ANO4: variants seen among roughly 807,000 people sequenced by gnomAD.
ANO4 encodes anoctamin 4.
A neutral mutation model predicts 141.9 loss-of-function variants in ANO4; 69 were observed. The ratio of observed to expected loss-of-function variants is 0.49; its 90% CI spans 0.40 to 0.59. ANO4 has a LOEUF of 0.59. Among genes scored for constraint, ANO4 ranks in the 20% least tolerant of loss-of-function variants. The pLI is 0.00. For synonymous variants in ANO4, 350 were observed against 394.3 expected, an observed-to-expected ratio of 0.89 and a Z score of 1.33; for missense variants, 894 against 1,162.2, an observed-to-expected ratio of 0.77 and a Z score of 3.36.
At chr12:100,797,005 A>T (rs1182786144) in intron 1 of ANO4, among the ~76,000 whole-genome samples, 1 of 152,098 alleles carries the variant, frequency 6.6e-6, no homozygotes, top group Non-Finnish European at 1.5e-5. Context: ...ATTTCATTTT[A>T]ATTAGTAGCA....
chr12:100,757,638 A>C (rs2032670938), intron 3 of ANO4, among the ~76,000 whole-genome samples: 1 of 152,222 alleles, frequency 6.6e-6, no homozygotes, highest in Non-Finnish European at 1.5e-5. Flanking sequence ...TTTGAAGGCC[A>C]CTGAGTCCAC....
chr12:100,917,970 A>G (rs1049764219), intron 2 of ANO4, among the ~76,000 whole-genome samples: 1 of 152,182 alleles, frequency 6.6e-6, no homozygotes, highest in Non-Finnish European at 1.5e-5. Context: ...CTGAACTCCA[A>G]ATAATTATTA....
chr12:101,036,565 G>T (rs1006594630), intron 9 of ANO4, among the ~76,000 whole-genome samples: 1 of 152,148 alleles, frequency 6.6e-6, no homozygotes, highest in Non-Finnish European at 1.5e-5. Flanking sequence ...AACTTGGAAG[G>T]CATCATGCTA....
intron 22 of ANO4, among the ~76,000 whole-genome samples, chr12:101,109,030 C>T (rs2050557704): frequency 6.6e-6 from 1 of 152,078 alleles, no homozygotes; most frequent in Non-Finnish European, 1.5e-5. Context: ...AATGACAATT[C>T]CTCAGTCTGT....
chr12:101,074,190 AAAACACAGAAATT>A (rs2048936187), intron 14 of ANO4, among the ~76,000 whole-genome samples: 1 of 152,184 alleles, frequency 6.6e-6, no homozygotes, highest in Admixed American at 6.5e-5. Flanking sequence ...GTGGCTTTGA[AAAACACAGAAATT>A]AATTTCTATC....
At chr12:100,958,009 C>T (rs577095323) in intron 5 of ANO4, among the ~76,000 whole-genome samples, 3 of 152,120 alleles carry the variant, frequency 2.0e-5, no homozygotes, top group African/African-American at 7.2e-5. Flanking sequence ...CCAGCCACAA[C>T]CATTTTTTTA....
chr12:100,721,426 T>G (rs1043575609), intron 1 of ANO4, among the ~76,000 whole-genome samples: 1 of 151,994 alleles, frequency 6.6e-6, no homozygotes, highest in Non-Finnish European at 1.5e-5. Flanking sequence ...AGGAGGAGAT[T>G]GGGAGAAGGC....
At chr12:100,971,840 G>A (rs2043947527) in intron 6 of ANO4, among the ~76,000 whole-genome samples, 2 of 150,148 alleles carry the variant, frequency 1.3e-5, no homozygotes, top group South Asian at 4.2e-4. Context: ...TTTCATGACA[G>A]TGTGATCTTC....
chr12:100,953,979 G>A (rs1301309004), intron 5 of ANO4, among the ~76,000 whole-genome samples: 4 of 152,126 alleles, frequency 2.6e-5, no homozygotes, highest in Non-Finnish European at 5.9e-5. Flanking sequence ...TCAAGTGCAC[G>A]AGCAGTGTTG....
At chr12:100,963,553 CA>C (rs1435001753) in intron 5 of ANO4, among the ~76,000 whole-genome samples, 16 of 152,082 alleles carry the variant, frequency 1.1e-4, no homozygotes, top group African/African-American at 3.9e-4. Context: ...GCATCCGAAT[CA>C]GCTGAAGAGC....
At chr12:101,016,607 C>T (rs2046326326) in intron 8 of ANO4, among the ~76,000 whole-genome samples, 1 of 152,194 alleles carries the variant, frequency 6.6e-6, no homozygotes, top group Non-Finnish European at 1.5e-5. Context: ...TTTGATCCAA[C>T]TTTAAGTGTT....
chr12:101,002,215 G>A (rs2045675854), intron 8 of ANO4, among the ~76,000 whole-genome samples: 1 of 152,144 alleles, frequency 6.6e-6, no homozygotes, highest in Non-Finnish European at 1.5e-5. Flanking sequence ...AAGGCTGCTG[G>A]CACTGGTTCC....
At chr12:100,781,849 A>G (rs775531494) in intron 3 of ANO4, among the ~76,000 whole-genome samples, 5 of 152,230 alleles carry the variant, frequency 3.3e-5, no homozygotes, top group Non-Finnish European at 7.3e-5. Flanking sequence ...TCAACTGTCT[A>G]TCAGAGCTTC....
intron 1 of ANO4, among the ~76,000 whole-genome samples, chr12:100,873,958 C>A (rs1378447649): frequency 6.6e-6 from 1 of 152,214 alleles, no homozygotes; most frequent in Admixed American, 6.5e-5. Flanking sequence ...TCCCTGTGTC[C>A]TAGCTGCTCC....
intron 14 of ANO4, among the ~76,000 whole-genome samples, chr12:101,074,394 A>G (rs2136823139): frequency 6.6e-6 from 1 of 152,312 alleles, no homozygotes; most frequent in African/African-American, 2.4e-5. Flanking sequence ...GTGGATACGG[A>G]AAAAGCACCC....
Position 100,856,064 on chromosome 12 carries a change from C to T in ANO4, c.-140-45582C>T, listed in dbSNP as rs947750982. Among the ~76,000 whole-genome samples, 8 of 152,142 alleles carry T rather than the reference C, an allele frequency of 5.3e-5. No individual in the cohort carries two copies. In the South Asian group the frequency reaches 1.0e-3, roughly 20 times the overall value. ...AATATTCCAGGCTGAGAGAACTTAA[C>T]GGAGAAACAGCCAGAGGTATGAAAA... is the stretch of plus-strand genomic sequence containing the variant. On this transcript the variant is annotated intron_variant, in intron 1 of 27. Coordinates refer to ENST00000392977, the MANE Select transcript of ANO4 (RefSeq NM_001286615.2).
At chr12:100,864,534 C>G (rs1486963608) in intron 1 of ANO4, among the ~76,000 whole-genome samples, 2 of 152,170 alleles carry the variant, frequency 1.3e-5, no homozygotes, top group East Asian at 1.9e-4. Context: ...GTAGCTTCCT[C>G]TTCCTTTCGT....
Position 100,801,093 on chromosome 12 carries a change from G to GTCTCTCTCTCTC in ANO4, c.-141+6087_-141+6098dup, listed in dbSNP as rs35462149. Among the ~76,000 whole-genome samples the GTCTCTCTCTCTC allele has an allele frequency of 2.0e-3, 292 of 147,258 alleles. 1 individual carries two copies. Among genetic ancestry groups the GTCTCTCTCTCTC allele is most frequent in the African/African-American group, 6.5e-3 (260 of 39,782 alleles). On this transcript the variant is annotated intron_variant, in intron 1 of 27. Transcript: ENST00000392977. ...GACCTTACAGACTGTTTGTCTACTT[G>GTCTCTCTCTCTC]TCTCTCTCTCTCTCTCTCTCTCTCT...
At chr12:100,754,445 C>T (rs115428375) in intron 3 of ANO4, among the ~76,000 whole-genome samples, 2,022 of 151,606 alleles carry the variant, frequency 0.013, 45 homozygotes, top group African/African-American at 0.045. Context: ...CACGTGTTGT[C>T]ATTGTCTAAA....
Sources: gnomAD v4.1 joint callset for allele counts (sites outside exome capture counted in the v4.1 genomes callset) on GRCh38, gnomAD v4.1.1 for gene constraint, MANE v1.5 for transcripts, NCBI Gene and HGNC (gene_info 2026-07-23, HGNC 2026-07-21) for gene names.